The following ENOX2 variants were observed in gnomAD, a reference collection of about 807,000 sequenced individuals.
The protein encoded by ENOX2 is ecto-NOX disulfide-thiol exchanger 2.
Under a neutral mutation model 45.0 loss-of-function variants are expected in ENOX2, and 36 were observed. The ratio of observed to expected loss-of-function variants is 0.80; its 90% CI spans 0.61 to 1.06. ENOX2 has a LOEUF of 1.06. Among genes scored for constraint, ENOX2 ranks in the 50% least tolerant of loss-of-function variants. The pLI is 0.00. For synonymous variants in ENOX2, 174 were observed against 152.3 expected, an observed-to-expected ratio of 1.14 and a Z score of -1.05; for missense variants, 423 against 462.5, an observed-to-expected ratio of 0.91 and a Z score of 0.78.
At chrX:130,736,184 T>C (rs1308210370) in intron 3 of ENOX2, among the ~76,000 whole-genome samples, 4 of 110,767 alleles carry the variant, frequency 3.6e-5, no homozygotes, top group African/African-American at 1.3e-4. Context: ...GCCAACATAG[T>C]GAAACACCGT....
chrX:130,638,361 T>C (rs1282547056), intron 10 of ENOX2, among the ~76,000 whole-genome samples: 4 of 109,690 alleles, frequency 3.6e-5, no homozygotes, highest in Non-Finnish European at 7.6e-5. Context: ...CCACCACGCC[T>C]GGCCCAAGAT....
At chrX:130,712,729 G>C (rs188820473) in intron 3 of ENOX2, among the ~76,000 whole-genome samples, 77 of 111,646 alleles carry the variant, frequency 6.9e-4, no homozygotes, top group Non-Finnish European at 1.3e-3. Flanking sequence ...CAGGGCACTT[G>C]ACCTCCAAGA....
chrX:130,865,828 CA>C (rs1207759055), intron 2 of ENOX2, among the ~76,000 whole-genome samples: 1 of 111,202 alleles, frequency 9.0e-6, no homozygotes, highest in Non-Finnish European at 1.9e-5. Flanking sequence ...CAGCCTTCTT[CA>C]GGGGCTCCTC....
At chrX:130,690,504 A>G (rs1468330625) in intron 4 of ENOX2, among the ~76,000 whole-genome samples, 3 of 112,339 alleles carry the variant, frequency 2.7e-5, no homozygotes, top group Non-Finnish European at 5.6e-5. Flanking sequence ...GAACCTGCAG[A>G]CTGCAAAGAA....
chrX:130,871,262 T>G (rs1205055787), intron 2 of ENOX2, among the ~76,000 whole-genome samples: 1 of 111,705 alleles, frequency 9.0e-6, no homozygotes, highest in Admixed American at 9.5e-5. Flanking sequence ...AAAGGTGATT[T>G]TTCCCTAAAT....
intron 1 of ENOX2, among the ~76,000 whole-genome samples, chrX:130,902,416 C>A (rs2079157776): frequency 9.0e-6 from 1 of 110,933 alleles, no homozygotes; most frequent in Non-Finnish European, 1.9e-5. Context: ...TGCTTCCCAT[C>A]CCTTCTAGAA....
intron 3 of ENOX2, among the ~76,000 whole-genome samples, chrX:130,720,036 A>C (rs893648459): frequency 1.8e-5 from 2 of 112,310 alleles, no homozygotes; most frequent in Non-Finnish European, 3.8e-5. Flanking sequence ...TATTACTAAC[A>C]ATCACCACCT....
intron 9 of ENOX2, among the ~76,000 whole-genome samples, chrX:130,663,100 A>C (rs973017974): frequency 2.7e-5 from 3 of 112,706 alleles, no homozygotes; most frequent in African/African-American, 9.7e-5. Flanking sequence ...ATTAAACTCA[A>C]GTATATATCC....
At chrX:130,656,270 C>A (rs942235946) in intron 10 of ENOX2, among the ~76,000 whole-genome samples, 3 of 112,653 alleles carry the variant, frequency 2.7e-5, no homozygotes, top group Non-Finnish European at 3.8e-5. Context: ...TGTAACACGG[C>A]CTCTGTCTCA....
intron 2 of ENOX2, among the ~76,000 whole-genome samples, chrX:130,847,544 T>C (rs1451586985): frequency 9.0e-6 from 1 of 111,688 alleles, no homozygotes; most frequent in Non-Finnish European, 1.9e-5. Flanking sequence ...AAAGGATCCA[T>C]AGAAAAATCA....
intron 2 of ENOX2, among the ~76,000 whole-genome samples, chrX:130,848,435 A>G (rs1012936266): frequency 1.8e-5 from 2 of 112,399 alleles, no homozygotes; most frequent in Admixed American, 9.4e-5. Context: ...CAAATGGAGA[A>G]TGGATTTCTA....
intron 3 of ENOX2, among the ~76,000 whole-genome samples, chrX:130,704,538 T>G (rs1334541619): frequency 9.0e-6 from 1 of 110,786 alleles, no homozygotes; most frequent in African/African-American, 3.3e-5. Context: ...TCTATGGCTT[T>G]TTTCCTACCT....
At chrX:130,887,560 G>A (rs960149386) in intron 2 of ENOX2, among the ~76,000 whole-genome samples, 1 of 111,087 alleles carries the variant, frequency 9.0e-6, no homozygotes, top group African/African-American at 3.3e-5. Context: ...GAAGACAAGG[G>A]CTGGAACTGG....
chrX:130,623,617 A>C lies in ENOX2; in HGVS notation c.*1697T>G, dbSNP rs1278011677. The C allele has an allele frequency of 1.8e-5, 2 of 112,141 alleles. No individual in the cohort carries two copies. The highest frequency in any genetic ancestry group is 1.9e-5 in the Non-Finnish European group (1 of 53,275). 9.2% of individuals were successfully genotyped at this position (112,141 alleles called of 1,213,427 possible). A position where few individuals can be genotyped will look rare whatever the true frequency, so the allele number is the denominator to read the frequency against. On this transcript the variant is annotated 3_prime_UTR_variant, in exon 15 of 15. Transcript: ENST00000394363. ...AGATATTATTAAAATTAGGTATTCC[A>C]AGAGCCCGAGACTGATGAATCAAAG...
intron 2 of ENOX2, among the ~76,000 whole-genome samples, chrX:130,839,693 C>G (rs1055524426): frequency 2.7e-5 from 3 of 111,242 alleles, no homozygotes; most frequent in Non-Finnish European, 5.7e-5. Context: ...CTGTATTGAG[C>G]AAGACCATTT....
intron 2 of ENOX2, among the ~76,000 whole-genome samples, chrX:130,828,290 G>C (rs5930426): frequency 0.32 from 35,691 of 110,823 alleles, 5,565 homozygotes; most frequent in African/African-American, 0.61. Flanking sequence ...GAAATTAGGG[G>C]TACAATACAA....
chrX:130,821,072 TTTTA>T (rs1211276053), intron 2 of ENOX2, among the ~76,000 whole-genome samples: 5 of 112,216 alleles, frequency 4.5e-5, no homozygotes, highest in African/African-American at 1.3e-4. Flanking sequence ...TATATACAAC[TTTTA>T]TTTGTTAATT....
At chrX:130,824,022 G>A (rs1321679302) in intron 2 of ENOX2, among the ~76,000 whole-genome samples, 1 of 111,913 alleles carries the variant, frequency 8.9e-6, no homozygotes, top group African/African-American at 3.2e-5. Flanking sequence ...GAGCTGGAGT[G>A]GCCTTAGAGA....
At chrX:130,839,016 C>T (rs767932864) in intron 2 of ENOX2, among the ~76,000 whole-genome samples, 4 of 111,986 alleles carry the variant, frequency 3.6e-5, no homozygotes, top group South Asian at 3.7e-4. Context: ...GGGGCATTGC[C>T]GCCAAAGTGT....
Sources: gnomAD v4.1 joint callset for allele counts (sites outside exome capture counted in the v4.1 genomes callset) on GRCh38, gnomAD v4.1.1 for gene constraint, MANE v1.5 for transcripts, NCBI Gene and HGNC (gene_info 2026-07-23, HGNC 2026-07-21) for gene names.